BLNK: variants seen among roughly 807,000 people sequenced by gnomAD.
BLNK encodes the protein B-cell linker protein.
In BLNK, 29 loss-of-function variants were observed where a neutral mutation model predicts 73.5. The ratio of observed to expected loss-of-function variants is 0.39; its 90% CI spans 0.29 to 0.54. BLNK has a LOEUF of 0.54. Ranked by LOEUF, BLNK falls within the 20% of genes least tolerant of loss-of-function variation. The probability of loss-of-function intolerance (pLI) is 0.61; values close to 1 mark genes in which losing one functional copy is unlikely to be tolerated. For synonymous variants in BLNK, 176 were observed against 200.8 expected, an observed-to-expected ratio of 0.88 and a Z score of 1.04; for missense variants, 460 against 562.8, an observed-to-expected ratio of 0.82 and a Z score of 1.85.
chr10:96,254,937 C>T (rs1843448401), intron 1 of BLNK, among the ~76,000 whole-genome samples: 1 of 152,164 alleles, frequency 6.6e-6, no homozygotes, highest in South Asian at 2.1e-4. Flanking sequence ...ATTAGAATCA[C>T]TTAGGGGACT....
At chr10:96,262,071 A>G (rs1433103030) in intron 1 of BLNK, among the ~76,000 whole-genome samples, 3 of 152,080 alleles carry the variant, frequency 2.0e-5, no homozygotes, top group Non-Finnish European at 4.4e-5. Context: ...TTCCCTCCTT[A>G]TCACCATGTT....
In BLNK at chr10:96,191,093, T is replaced by C. The variant is rs782528031; in HGVS notation, c.*880A>G. Among the ~76,000 whole-genome samples the C allele has an allele frequency of 2.0e-5, 3 of 152,072 alleles. No homozygotes were observed. The highest frequency in any genetic ancestry group is 2.0e-4 in the Admixed American group (3 of 15,250). ...GTGATAGTGAGTAAGTCTCATGAGATCTGATGGTTTTATAAAGGGCAGTTC... is the reference window on the plus strand; with the variant it reads ...GTGATAGTGAGTAAGTCTCATGAGACCTGATGGTTTTATAAAGGGCAGTTC... On this transcript the variant is annotated 3_prime_UTR_variant, in exon 17 of 17. Transcript: ENST00000224337.
At position 96,247,186 on chromosome 10, in the gene BLNK, A is replaced by G. The variant is rs1843077419; in HGVS notation, c.48-137T>C. Reference sequence around the variant, plus strand: ...CTCCAAATAGGATGAATTATATTGTATTTAATTAAATTGACCATCTGCTAC... The same window carrying G: ...CTCCAAATAGGATGAATTATATTGTGTTTAATTAAATTGACCATCTGCTAC... On this transcript the variant is annotated intron_variant, in intron 1 of 16. Transcript: ENST00000224337. The G allele has an allele frequency of 2.3e-5, 14 of 596,460 alleles. No individual in the cohort carries two copies. In the South Asian group the frequency reaches 3.1e-4, roughly 13 times the overall value. The allele number at this position is 596,460 out of a possible 1,614,324, so 36.9% of individuals were successfully genotyped here.
In BLNK at chr10:96,204,613, T is replaced by C; in HGVS notation, c.821A>G (p.Lys274Arg). ...QQNASSVCEE[K>R]PIPAERHRGS... ...TCGGTGGCGTTCAGCAGGTATAGGT[T>C]TTTCTGGATCAGGAAAATTATCATA... is the stretch of plus-strand genomic sequence containing the variant. The change falls in exon 12 of 17, where the codon AAA becomes AGA. Residue 274 changes from lysine to arginine, a missense_variant. Lys to Arg is a conservative substitution (Grantham distance 26). This residue lies in a region of BLNK where 233 missense variants were observed against 232.1 expected (regional missense o/e 1.00). Transcript: ENST00000224337. 1 of 1,613,936 alleles carries C rather than the reference T, an allele frequency of 6.2e-7. No homozygotes were observed. Among genetic ancestry groups the C allele is most frequent in the South Asian group, 1.1e-5 (1 of 91,072 alleles).
intron 16 of BLNK, among the ~76,000 whole-genome samples, chr10:96,194,795 G>C (rs1211318039): frequency 6.4e-5 from 4 of 62,124 alleles, no homozygotes; most frequent in African/African-American, 1.8e-4. Flanking sequence ...TTTTGAGACG[G>C]AGTCTCGCTC....
At chr10:96,218,364 A>G (rs376243782) in intron 6 of BLNK, among the ~76,000 whole-genome samples, 5 of 152,162 alleles carry the variant, frequency 3.3e-5, no homozygotes, top group African/African-American at 1.2e-4. Context: ...GCACAGAAAA[A>G]TTAAGTAGTT....
Position 96,200,466 on chromosome 10 carries a change from TC to T in BLNK, c.1012-309del, listed in dbSNP as rs2083601831. On this transcript the variant is annotated intron_variant, in intron 14 of 16. Transcript: ENST00000224337. This position sits in a 1 kb window ranked among gnomAD's most constrained non-coding sequence, Gnocchi z 4.3. Reference sequence around the variant, plus strand: ...TTACTTTGTGGAGTGCTTTACAATTTCCAAAGCATTTTTACAAATATTATTT... The same window carrying T: ...TTACTTTGTGGAGTGCTTTACAATTTCAAAGCATTTTTACAAATATTATTT... Among the ~76,000 whole-genome samples the T allele has an allele frequency of 6.6e-6, 1 of 152,254 alleles. No homozygotes were observed. The highest frequency in any genetic ancestry group is 2.4e-5 in the African/African-American group (1 of 41,468).
rs2083300110 is a variant in BLNK at position 96,189,742 on chromosome 10, G to C, written c.*2231C>G. The C allele has an allele frequency of 2.8e-6, 2 of 725,858 alleles. No homozygotes were observed. The highest frequency in any genetic ancestry group is 3.6e-5 in the African/African-American group (2 of 56,184). The allele number at this position is 725,858 out of a possible 1,614,324, so 45.0% of individuals were successfully genotyped here. The stretch of plus-strand genomic sequence containing the variant: ...ATCATCATCATCATCATCTTCATCA[G>C]CAGCAAGTTTTACTTTTATTCTCTG... On this transcript the variant is annotated 3_prime_UTR_variant, in exon 17 of 17. Coordinates refer to ENST00000224337, the MANE Select transcript of BLNK (RefSeq NM_013314.4).
intron 3 of BLNK, among the ~76,000 whole-genome samples, chr10:96,239,646 T>C (rs1842819852): frequency 6.6e-6 from 1 of 152,176 alleles, no homozygotes; most frequent in South Asian, 2.1e-4. Flanking sequence ...AAAAAATATT[T>C]AAGAGGCATT....
At position 96,218,679 on chromosome 10, in the gene BLNK, C is replaced by CA. The variant is rs10706950; in HGVS notation, c.526-1946dup. On this transcript the variant is annotated intron_variant, in intron 6 of 16. Transcript: ENST00000224337. ...TGGCAACAGAATGAGACCTTGTCTC[C>CA]AAAAAAAAAAAAAAAAAGTGGTAGA... Among the ~76,000 whole-genome samples, 449 of 124,214 alleles carry CA rather than the reference C, an allele frequency of 3.6e-3. 1 individual carries two copies. Among genetic ancestry groups the CA allele is most frequent in the Middle Eastern group, 8.7e-3 (2 of 230 alleles). The allele number at this position is 124,214 out of a possible 152,430, so 81.5% of individuals were successfully genotyped here.
chr10:96,206,550 C>CAAA (rs587613981), intron 11 of BLNK, among the ~76,000 whole-genome samples: 86 of 126,814 alleles, frequency 6.8e-4, no homozygotes, highest in South Asian at 3.4e-3. Flanking sequence ...GACCCTAACT[C>CAAA]AAAAAAAAAA....
intron 15 of BLNK, among the ~76,000 whole-genome samples, chr10:96,198,484 A>C (rs1187306664): frequency 6.6e-6 from 1 of 152,210 alleles, no homozygotes; most frequent in Non-Finnish European, 1.5e-5. Context: ...AAATGATTAG[A>C]CTTTAAAAAC....
chr10:96,194,924 C>T (rs962374574), intron 16 of BLNK, among the ~76,000 whole-genome samples: 6 of 151,522 alleles, frequency 4.0e-5, no homozygotes, highest in Non-Finnish European at 8.8e-5. Context: ...GCACGCGCCA[C>T]CATGCCCGGC....
At chr10:96,210,127 T>C in intron 8 of BLNK, 2 of 605,816 alleles carry the variant, frequency 3.3e-6, no homozygotes, top group Non-Finnish European at 6.0e-6. Flanking sequence ...AGAGCTGGGA[T>C]GGGGGTTAGG....
At chr10:96,222,785 A>G (rs1809396961) in intron 6 of BLNK, among the ~76,000 whole-genome samples, 1 of 152,294 alleles carries the variant, frequency 6.6e-6, no homozygotes, top group Non-Finnish European at 1.5e-5. Flanking sequence ...AGAAGAGGGA[A>G]GTGGAGGAGC....
chr10:96,263,049 T>C (rs12262820), intron 1 of BLNK, among the ~76,000 whole-genome samples: 1,994 of 152,318 alleles, frequency 0.013, 55 homozygotes, highest in African/African-American at 0.045. Context: ...TGCTTCTCCA[T>C]GGAAGCCTGT....
Position 96,192,032 on chromosome 10 carries a change from C to A in BLNK, c.1312G>T (p.Asp438Tyr). 1 of 1,613,686 alleles carries A rather than the reference C, an allele frequency of 6.2e-7. No individual in the cohort carries two copies. Among genetic ancestry groups the A allele is most frequent in the Non-Finnish European group, 8.5e-7 (1 of 1,179,774 alleles). The stretch of plus-strand genomic sequence containing the variant: ...GAATCTTTTGTGTTATTCTGACTGT[C>A]AATAAGAACCAAAGGACTATGTTGA... ...NHQHSPLVLI[D>Y]SQNNTKDSTR... Residue 438 changes from aspartate (D) to tyrosine (Y), a missense_variant, in exon 17 of 17, where the codon GAC becomes TAC. Transcript: ENST00000224337.
intron 8 of BLNK, among the ~76,000 whole-genome samples, chr10:96,212,505 G>A (rs1410547061): frequency 2.0e-5 from 3 of 152,102 alleles, no homozygotes; most frequent in Admixed American, 6.6e-5. Flanking sequence ...TTCAAAGTCC[G>A]GCACCTAGCA....
At chr10:96,195,698 T>A (rs1447768765) in intron 16 of BLNK, among the ~76,000 whole-genome samples, 1 of 152,238 alleles carries the variant, frequency 6.6e-6, no homozygotes, top group African/African-American at 2.4e-5. Context: ...GTTTTAGTTC[T>A]ATAAGATGAA....
Sources: allele counts gnomAD v4.1 joint callset (sites outside exome capture counted in the v4.1 genomes callset), GRCh38; gene constraint gnomAD v4.1.1; regional missense constraint gnomAD v4.1.1; non-coding constraint Gnocchi (gnomAD v3.1); transcripts MANE v1.5; gene names NCBI Gene and HGNC (gene_info 2026-07-23, HGNC 2026-07-21).